Variants in ELOB observed in about 807,000 individuals in gnomAD.
ELOB encodes elongin-B.
A neutral mutation model predicts 12.9 loss-of-function variants in ELOB; 3 were observed. That is an observed-to-expected ratio of 0.23 (90% CI 0.11 to 0.60). The LOEUF is 0.60. Ranked by LOEUF, ELOB falls within the 20% of genes least tolerant of loss-of-function variation. ELOB has a pLI of 0.89. For synonymous variants in ELOB, 84 were observed against 67.4 expected (o/e 1.25, Z -1.21); for missense variants, 126 against 159.2 (o/e 0.79, Z 1.12).
intron 2 of ELOB, among the ~76,000 whole-genome samples, chr16:2,776,536 G>C (rs978736596): frequency 6.6e-6 from 1 of 152,202 alleles, no homozygotes; most frequent in Non-Finnish European, 1.5e-5. Context: ...AGAACGAGTG[G>C]GACCTGACTT....
Position 2,771,993 on chromosome 16 carries a change from C to T in ELOB, c.354G>A (p.Gln118=). 6 of 1,611,546 alleles carry T rather than the reference C, an allele frequency of 3.7e-6. No homozygotes were observed. The highest frequency in any genetic ancestry group is 5.1e-6 in the Non-Finnish European group (6 of 1,179,254). The change falls in exon 4 of 4, where the codon CAG becomes CAA. Residue 118 remains glutamine (Q), a synonymous_variant. Transcript: ENST00000409906. ...SGSSANEQAV[Q] Reference sequence around the variant, plus strand: ...GAAATGGGCCTCTTGGGGGTCCTCACTGCACGGCTTGTTCATTGGCACTGC... The same window carrying T: ...GAAATGGGCCTCTTGGGGGTCCTCATTGCACGGCTTGTTCATTGGCACTGC...
In ELOB at chr16:2,775,474, G is replaced by A; in HGVS notation, c.221C>T (p.Thr74Ile). Residue 74 changes from threonine (T) to isoleucine (I), a missense_variant, in exon 3 of 4, where the codon ACA (threonine) becomes ATA (isoleucine). Thr to Ile is a moderately conservative substitution (Grantham distance 89, BLOSUM62 -1). Coordinates refer to ENST00000409906, the MANE Select transcript of ELOB (RefSeq NM_007108.4). ...SQTARPQAPA[T>I]VGLAFRADDT... ...ACCTGCCCGGAAGGCCAGCCCCACT[G>A]TGGCTGGGGCCTGTGGCCGTGCTGT... 6.2e-7 allele frequency: 1 copy of A among 1,604,704 alleles called. No individual in the cohort carries two copies. The highest frequency in any genetic ancestry group is 8.5e-7 in the Non-Finnish European group (1 of 1,179,578).
In ELOB at chr16:2,772,100, C is replaced by T. The variant is rs773852723; in HGVS notation, c.247G>A (p.Asp83Asn). 1 of 1,605,036 alleles carries T rather than the reference C, an allele frequency of 6.2e-7. No individual in the cohort carries two copies. The highest frequency in any genetic ancestry group is 1.7e-5 in the Admixed American group (1 of 58,656). ...ATVGLAFRAD[D>N]TFEALCIEPF... ...TCGATGCACAGGGCCTCAAAGGTGT[C>T]ATCTGTGGAGGAAGCAGCAGAGCTG... The change falls in exon 4 of 4, where the codon GAC becomes AAC. Residue 83 changes from aspartate (D) to asparagine (N), a missense_variant and splice_region_variant. Asp to Asn is a conservative substitution (Grantham distance 23). Transcript: ENST00000409906.
At position 2,772,002 on chromosome 16, in the gene ELOB, T is replaced by C. The variant is rs777159766; in HGVS notation, c.345A>G (p.Gln115=). The stretch of plus-strand genomic sequence containing the variant: ...CTCTTGGGGGTCCTCACTGCACGGC[T>C]TGTTCATTGGCACTGCTTCCCGAGT... ...PQDSGSSANE[Q]AVQ is the part of the protein sequence containing the mutation. Residue 115 remains glutamine, a synonymous_variant, in exon 4 of 4, where the codon CAA becomes CAG. Transcript: ENST00000409906. 1 of 1,612,540 alleles carries C rather than the reference T, an allele frequency of 6.2e-7. No individual in the cohort carries two copies. Among genetic ancestry groups the C allele is most frequent in the Non-Finnish European group, 8.5e-7 (1 of 1,179,462 alleles).
rs780637442 is a variant in ELOB at position 2,776,965 on chromosome 16, C to A, written c.138+28G>T. 5 of 1,544,552 alleles carry A rather than the reference C, an allele frequency of 3.2e-6. No homozygotes were observed. The East Asian group carries it at 1.2e-4, about 38-fold the overall frequency. On this transcript the variant is annotated intron_variant, in intron 2 of 3. Coordinates refer to ENST00000409906, the MANE Select transcript of ELOB (RefSeq NM_007108.4). ...CCCCGTGCCCGGCGCCGGGTACCCG[C>A]TCCCCTCGGCCCGCCCGCGGGACCC...
rs779775754 is a variant in ELOB at position 2,775,473 on chromosome 16, T to A, written c.222A>T (p.Thr74=). 1 of 1,604,668 alleles carries A rather than the reference T, an allele frequency of 6.2e-7. No homozygotes were observed. Among genetic ancestry groups the A allele is most frequent in the Non-Finnish European group, 8.5e-7 (1 of 1,179,568 alleles). The change falls in exon 3 of 4, where the codon ACA becomes ACT. Residue 74 remains threonine (T), a synonymous_variant. Transcript: ENST00000409906. ...SQTARPQAPA[T]VGLAFRADDT... is the part of the protein sequence containing the mutation. ...CACCTGCCCGGAAGGCCAGCCCCAC[T>A]GTGGCTGGGGCCTGTGGCCGTGCTG...
chr16:2,772,160 C>G (rs1332727471), intron 3 of ELOB, 58 bp from the exon 4 acceptor site: 1 of 1,504,442 alleles, frequency 6.6e-7, no homozygotes, highest in East Asian at 2.4e-5. Flanking sequence ...CCAGCTGGGG[C>G]CTTGGTGTTC....
At position 2,771,989 on chromosome 16, in the gene ELOB, C is replaced by T. The variant is rs201371992; in HGVS notation, c.*1G>A. ...GGGGGAAATGGGCCTCTTGGGGGTC[C>T]TCACTGCACGGCTTGTTCATTGGCA... On this transcript the variant is annotated 3_prime_UTR_variant, in exon 4 of 4. Transcript: ENST00000409906. 105 of 1,475,700 alleles carry T rather than the reference C, an allele frequency of 7.1e-5. No homozygotes were observed. In the African/African-American group the frequency reaches 1.8e-3, roughly 25 times the overall value. The allele number at this position is 1,475,700 out of a possible 1,614,324, so 91.4% of individuals were successfully genotyped here. A position where few individuals can be genotyped will look rare whatever the true frequency, so the allele number is the denominator to read the frequency against.
In ELOB at chr16:2,771,432, A is replaced by G. The variant is rs1318711552; in HGVS notation, c.*558T>C. On this transcript the variant is annotated 3_prime_UTR_variant, in exon 4 of 4. Transcript: ENST00000409906. The stretch of plus-strand genomic sequence containing the variant: ...CAGGAACTGGGTCTGTAGACTGTTT[A>G]TTAAAGGTGTGTTAAGGGGGCAGCC... The G allele has an allele frequency of 3.1e-6, 5 of 1,613,836 alleles. No homozygotes were observed. The South Asian group carries it at 3.3e-5, about 11-fold the overall frequency.
chr16:2,777,064 T>C lies in ELOB; in HGVS notation c.67A>G (p.Thr23Ala). 2 of 1,603,908 alleles carry C rather than the reference T, an allele frequency of 1.2e-6. No homozygotes were observed. Among genetic ancestry groups the C allele is most frequent in the Non-Finnish European group, 1.7e-6 (2 of 1,176,318 alleles). Residue 23 changes from threonine (T) to alanine (A), a missense_variant, in exon 2 of 4, where the codon ACG (threonine) becomes GCG (alanine). Transcript: ENST00000409906. ...TIFTDAKESS[T>A]VFELKRIVEG... ...ACGATGCGCTTCAGTTCGAACACCG[T>C]GCTGGACTCCTTGGCGTCCGTGAAG...
At chr16:2,773,583 C>T (rs549317572) in intron 3 of ELOB, among the ~76,000 whole-genome samples, 1 of 152,272 alleles carries the variant, frequency 6.6e-6, no homozygotes, top group East Asian at 1.9e-4. Flanking sequence ...TTGAGCTGCA[C>T]CCAGAAGTGT....
chr16:2,776,521 G>A (rs771590780), intron 2 of ELOB, among the ~76,000 whole-genome samples: 90 of 152,202 alleles, frequency 5.9e-4, no homozygotes, highest in Non-Finnish European at 1.1e-3. Context: ...ACGGTTGCTT[G>A]GTGAAGAACG....
At chr16:2,776,287 C>T (rs1164183452) in intron 2 of ELOB, among the ~76,000 whole-genome samples, 1 of 152,164 alleles carries the variant, frequency 6.6e-6, no homozygotes, top group Non-Finnish European at 1.5e-5. Flanking sequence ...AGGCTCTGAG[C>T]CTGGAGCTAA....
At position 2,771,868 on chromosome 16, in the gene ELOB, CA is replaced by C; in HGVS notation, c.*121del. On this transcript the variant is annotated 3_prime_UTR_variant, in exon 4 of 4. Coordinates refer to ENST00000409906, the MANE Select transcript of ELOB (RefSeq NM_007108.4). Reference sequence around the variant, plus strand: ...AGGACAGCACAGGAACTGCCAAGCACAAGCCCCAAAAGGAGCCCACAGGGAG... The same window carrying C: ...AGGACAGCACAGGAACTGCCAAGCACAGCCCCAAAAGGAGCCCACAGGGAG... 6.8e-7 allele frequency: 1 copy of C among 1,467,430 alleles called. No homozygotes were observed. Among genetic ancestry groups the C allele is most frequent in the East Asian group, 2.5e-5 (1 of 40,262 alleles). 90.9% of individuals were successfully genotyped at this position (1,467,430 alleles called of 1,614,324 possible). A position where few individuals can be genotyped will look rare whatever the true frequency, so the allele number is the denominator to read the frequency against.
intron 3 of ELOB, among the ~76,000 whole-genome samples, chr16:2,774,185 G>A (rs1008592258): frequency 4.0e-5 from 6 of 151,896 alleles, no homozygotes; most frequent in Non-Finnish European, 7.4e-5. Flanking sequence ...GGCTGAGATG[G>A]CGCCACTGCA....
In ELOB at chr16:2,771,834, C is replaced by T. The variant is rs2068757224; in HGVS notation, c.*156G>A. 2 of 1,453,236 alleles carry T rather than the reference C, an allele frequency of 1.4e-6. No homozygotes were observed. The highest frequency in any genetic ancestry group is 1.8e-6 in the Non-Finnish European group (2 of 1,106,068). The allele number at this position is 1,453,236 out of a possible 1,614,324, so 90.0% of individuals were successfully genotyped here. On this transcript the variant is annotated 3_prime_UTR_variant, in exon 4 of 4. Coordinates refer to ENST00000409906, the MANE Select transcript of ELOB (RefSeq NM_007108.4). ...AAGTTCTCAGCCAGGGTCTCAGGATCTGGGAGACAGGACAGCACAGGAACT... is the reference window on the plus strand; with the variant it reads ...AAGTTCTCAGCCAGGGTCTCAGGATTTGGGAGACAGGACAGCACAGGAACT...
At chr16:2,774,159 G>A (rs547499605) in intron 3 of ELOB, among the ~76,000 whole-genome samples, 1 of 152,348 alleles carries the variant, frequency 6.6e-6, no homozygotes, top group East Asian at 1.9e-4. Context: ...GAACCCGGGA[G>A]GCAGCGGCTG....
intron 2 of ELOB, 100 bp downstream of exon 2, chr16:2,776,893 G>C: frequency 7.1e-7 from 1 of 1,415,958 alleles, no homozygotes; most frequent in Non-Finnish European, 9.3e-7. Flanking sequence ...GCGCCCGCAG[G>C]CGTCGCCGGC....
At chr16:2,772,359 C>T (rs775592492) in intron 3 of ELOB, 1 of 297,764 alleles carries the variant, frequency 3.4e-6, no homozygotes, top group Non-Finnish European at 6.3e-6. Context: ...CTTTCCTCAT[C>T]TTCCATGTCC....
Sources: allele counts gnomAD v4.1 joint callset (sites outside exome capture counted in the v4.1 genomes callset), GRCh38; gene constraint gnomAD v4.1.1; transcripts MANE v1.5; gene names NCBI Gene and HGNC (gene_info 2026-07-23, HGNC 2026-07-21).